KLHL7: variants seen among roughly 807,000 people sequenced by gnomAD.
KLHL7 encodes kelch like family member 7.
KLHL7 carries 44 observed loss-of-function variants against 67.4 expected under a neutral mutation model. The ratio of observed to expected loss-of-function variants is 0.65; its 90% CI spans 0.51 to 0.84. The LOEUF is 0.84. Among genes scored for constraint, KLHL7 ranks in the 40% least tolerant of loss-of-function variants. The probability of loss-of-function intolerance (pLI) is 0.00; values close to 1 mark genes in which losing one functional copy is unlikely to be tolerated. For synonymous variants in KLHL7, 252 were observed against 243.3 expected (o/e 1.04, Z -0.33); for missense variants, 362 against 718.1 (o/e 0.50, Z 5.67).
chr7:23,113,543 G>C (rs1277572424), intron 1 of KLHL7, among the ~76,000 whole-genome samples: 1 of 152,046 alleles, frequency 6.6e-6, no homozygotes, highest in Admixed American at 6.5e-5. Context: ...ATATTGAAGG[G>C]AGCCAGGCCG....
At chr7:23,167,717 T>A (rs1427416686) in intron 8 of KLHL7, 119 bp from the exon 9 acceptor site, 2 of 819,634 alleles carry the variant, frequency 2.4e-6, no homozygotes, top group Non-Finnish European at 4.1e-6. Flanking sequence ...TGATTGAGTA[T>A]GAAAATGGCC....
At position 23,150,482 on chromosome 7, in the gene KLHL7, TC is replaced by T. The variant is rs1419983571; in HGVS notation, c.794-1584del. 2.0e-5 allele frequency among the ~76,000 whole-genome samples: 3 copies of T among 152,224 alleles called. No homozygotes were observed. In the East Asian group the frequency reaches 5.8e-4, roughly 29 times the overall value. On this transcript the variant is annotated intron_variant, in intron 6 of 10. Transcript: ENST00000339077. ...GTACTGTTCTACATCTTGCTTTTTT[TC>T]ATTCCATATTATTTATTGGAGATCA...
chr7:23,147,339 C>A (rs1193420676), intron 6 of KLHL7, among the ~76,000 whole-genome samples: 2 of 152,232 alleles, frequency 1.3e-5, no homozygotes, highest in Non-Finnish European at 2.9e-5. Context: ...ACCCGCCCAC[C>A]TCTGCCTCCC....
intron 1 of KLHL7, among the ~76,000 whole-genome samples, chr7:23,120,496 A>G (rs374210099): frequency 6.6e-6 from 1 of 152,198 alleles, no homozygotes; most frequent in Non-Finnish European, 1.5e-5. Flanking sequence ...GCTAATTAGC[A>G]TATCCATTCT....
At chr7:23,118,862 A>G (rs1427883182) in intron 1 of KLHL7, among the ~76,000 whole-genome samples, 1 of 152,014 alleles carries the variant, frequency 6.6e-6, no homozygotes. Flanking sequence ...GCTTTAATGC[A>G]GGAGTTGGAG....
chr7:23,169,515 A>G (rs548689246), intron 9 of KLHL7, among the ~76,000 whole-genome samples: 1 of 152,260 alleles, frequency 6.6e-6, no homozygotes, highest in South Asian at 2.1e-4. Flanking sequence ...GTTACAGCAT[A>G]CTAGTTGGAA....
chr7:23,164,204 C>A (rs201209111), intron 7 of KLHL7, among the ~76,000 whole-genome samples: 55 of 134,192 alleles, frequency 4.1e-4, no homozygotes, highest in African/African-American at 5.4e-4. Flanking sequence ...CTATAATCAG[C>A]AAAAAAAAAA....
intron 10 of KLHL7, 115 bp downstream of exon 10, chr7:23,173,160 A>G: frequency 1.4e-6 from 1 of 699,732 alleles, no homozygotes; most frequent in Non-Finnish European, 2.5e-6. Context: ...ATATTATTAT[A>G]TCTATTTTTA....
rs1783295977 is a variant in KLHL7, at chr7:23,120,647, A to G, written c.121-3130A>G. ...AGTGGCATGATCACAGCTCAGTGCA[A>G]CCTCAAACTCCTGGGCTCAAGTGAT... On this transcript the variant is annotated intron_variant, in intron 1 of 10. Transcript: ENST00000339077. 3.3e-5 allele frequency among the ~76,000 whole-genome samples: 5 copies of G among 152,124 alleles called. No individual in the cohort carries two copies. The South Asian group carries it at 1.0e-3, about 32-fold the overall frequency.
chr7:23,163,969 C>T (rs1234870445), intron 7 of KLHL7, among the ~76,000 whole-genome samples: 2 of 152,112 alleles, frequency 1.3e-5, no homozygotes, highest in Non-Finnish European at 2.9e-5. Context: ...GTTATTTGTC[C>T]ATCTTCTTGC....
At position 23,139,030 on chromosome 7, in the gene KLHL7, G is replaced by A. The variant is rs117905948; in HGVS notation, c.443-1739G>A. On this transcript the variant is annotated intron_variant, in intron 4 of 10. Transcript: ENST00000339077. Reference sequence around the variant, plus strand: ...GAAGAAAGTGTGGGCTTGTATATACGTGTATGTGTACAAACACATATAACA... The same window carrying A: ...GAAGAAAGTGTGGGCTTGTATATACATGTATGTGTACAAACACATATAACA... 7.0e-4 allele frequency among the ~76,000 whole-genome samples: 106 copies of A among 150,776 alleles called. 1 individual carries two copies. In the East Asian group the frequency reaches 0.019, roughly 27 times the overall value.
At position 23,176,098 on chromosome 7, in the gene KLHL7, C is replaced by G. The variant is rs779239877; in HGVS notation, c.*1800C>G. The G allele has an allele frequency of 6.6e-6, 1 of 152,118 alleles. No individual in the cohort carries two copies. The highest frequency in any genetic ancestry group is 1.5e-5 in the Non-Finnish European group (1 of 68,054). The allele number at this position is 152,118 out of a possible 1,614,324, so 9.4% of individuals were successfully genotyped here. On this transcript the variant is annotated 3_prime_UTR_variant, in exon 11 of 11. Transcript: ENST00000339077. ...CTGATTAGCAATGGTTCCCTATTTCCCCCAACGCCCCTGTATTTCCTAGGG... is the reference window on the plus strand; with the variant it reads ...CTGATTAGCAATGGTTCCCTATTTCGCCCAACGCCCCTGTATTTCCTAGGG...
chr7:23,131,298 T>C (rs1353428987), intron 4 of KLHL7, among the ~76,000 whole-genome samples: 3 of 152,196 alleles, frequency 2.0e-5, no homozygotes, highest in Non-Finnish European at 4.4e-5. Context: ...AATTTGGCCC[T>C]TTTTTCCCAG....
At chr7:23,126,325 A>T (rs1036349671) in intron 4 of KLHL7, among the ~76,000 whole-genome samples, 3 of 152,218 alleles carry the variant, frequency 2.0e-5, no homozygotes, top group Admixed American at 2.0e-4. Context: ...TTTCCATTTA[A>T]TGTTTTTGAA....
At chr7:23,151,575 G>A (rs924250521) in intron 6 of KLHL7, among the ~76,000 whole-genome samples, 5 of 152,206 alleles carry the variant, frequency 3.3e-5, no homozygotes, top group African/African-American at 1.2e-4. Flanking sequence ...AAATGCTGAA[G>A]CAGGTGGTCT....
chr7:23,140,677 A>G, intron 4 of KLHL7, 92 bp from the exon 5 acceptor site: 1 of 1,032,306 alleles, frequency 9.7e-7, no homozygotes, highest in Non-Finnish European at 1.5e-6. Context: ...AATTTACTCA[A>G]CTAATTTTCC....
intron 1 of KLHL7, chr7:23,106,385 G>A (rs965781597): frequency 7.4e-7 from 1 of 1,358,522 alleles, no homozygotes; most frequent in Non-Finnish European, 9.5e-7. Flanking sequence ...ACTCCTGGGG[G>A]ACTCCTCAGG....
At chr7:23,151,168 TTTC>T (rs924169264) in intron 6 of KLHL7, among the ~76,000 whole-genome samples, 8 of 149,162 alleles carry the variant, frequency 5.4e-5, no homozygotes, top group Non-Finnish European at 1.1e-4. Flanking sequence ...TTTTTTTTTT[TTTC>T]TTTTCTTTTT....
At chr7:23,142,877 A>G (rs532065222) in intron 5 of KLHL7, among the ~76,000 whole-genome samples, 214 of 152,306 alleles carry the variant, frequency 1.4e-3, no homozygotes, top group Non-Finnish European at 2.6e-3. Flanking sequence ...ATAACACTAG[A>G]TAAAAACTAA....
Sources: gnomAD v4.1 joint callset for allele counts (sites outside exome capture counted in the v4.1 genomes callset) on GRCh38, gnomAD v4.1.1 for gene constraint, MANE v1.5 for transcripts, NCBI Gene and HGNC (gene_info 2026-07-23, HGNC 2026-07-21) for gene names.